L3MBTL1: variants seen among roughly 807,000 people sequenced by gnomAD.
L3MBTL1 encodes the protein L3MBTL histone methyl-lysine binding protein 1, also known as lethal(3)malignant brain tumor-like protein 1.
In L3MBTL1, 75 loss-of-function variants were observed where a neutral mutation model predicts 105.3. The observed-to-expected ratio is 0.71, with a 90% CI of 0.59 to 0.86. The LOEUF (loss-of-function observed/expected upper bound fraction) is 0.86, where lower values mean the gene tolerates loss of function less well. Ranked by LOEUF, L3MBTL1 falls within the 40% of genes least tolerant of loss-of-function variation. The pLI is 0.00. For synonymous variants in L3MBTL1, 452 were observed against 436.2 expected (o/e 1.04, Z -0.45); for missense variants, 1,069 against 1,126.4 (o/e 0.95, Z 0.73).
chr20:43,532,991 C>T, intron 12 of L3MBTL1, 67 bp downstream of exon 12: 3 of 1,527,586 alleles, frequency 2.0e-6, no homozygotes, highest in South Asian at 1.1e-5. Context: ...GCTTTCATAT[C>T]TCAGGTACCA....
At chr20:43,545,520 C>G (rs1978538120), downstream of L3MBTL1, among the ~76,000 whole-genome samples, 1 of 152,156 alleles carries the variant, frequency 6.6e-6, no homozygotes, top group South Asian at 2.1e-4. Flanking sequence ...TGGCATCCCC[C>G]TCACAGCTCC....
chr20:43,535,665 A>G (rs1055744412), intron 16 of L3MBTL1, among the ~76,000 whole-genome samples, 172 bp from the exon 17 acceptor site: 3 of 152,170 alleles, frequency 2.0e-5, no homozygotes, highest in African/African-American at 7.2e-5. Flanking sequence ...CTCCTTACCC[A>G]GAGAGGGGCA....
intron 8 of L3MBTL1, 106 bp from the exon 9 acceptor site, chr20:43,529,158 A>G: frequency 1.3e-6 from 1 of 756,800 alleles, no homozygotes; most frequent in East Asian, 2.7e-5. Flanking sequence ...GCCCCTTTGG[A>G]AATACCAGGC....
Position 43,534,332 on chromosome 20 carries a change from C to G in L3MBTL1, c.1648C>G (p.Arg550Gly), listed in dbSNP as rs773534117. 6 of 1,613,996 alleles carry G rather than the reference C, an allele frequency of 3.7e-6. No homozygotes were observed. The South Asian group carries it at 4.4e-5, about 12-fold the overall frequency. ...CAATATGAAGCTGGAGGCTGTGGACCGCAGGAACCCAGCCCTGATTCGCGT... is the reference window on the plus strand; with the variant it reads ...CAATATGAAGCTGGAGGCTGTGGACGGCAGGAACCCAGCCCTGATTCGCGT... ...LVNMKLEAVD[R>G]RNPALIRVAS... Residue 550 changes from arginine (R) to glycine (G), a missense_variant, in exon 15 of 22, where the codon CGC (arginine) becomes GGC (glycine). Transcript: ENST00000418998.
downstream of L3MBTL1, chr20:43,542,008 C>G (rs1797159383): frequency 1.3e-5 from 6 of 459,868 alleles, no homozygotes; most frequent in Non-Finnish European, 1.4e-5. Context: ...GTCAGGAGTT[C>G]AAGACCAGCC....
chr20:43,512,020 G>A (rs989252975), intron 1 of L3MBTL1, among the ~76,000 whole-genome samples: 8 of 152,016 alleles, frequency 5.3e-5, no homozygotes, highest in African/African-American at 1.9e-4. Flanking sequence ...GAGGCCAGAG[G>A]GAAAAGCAGA....
chr20:43,545,127 G>A (rs565318531), downstream of L3MBTL1, among the ~76,000 whole-genome samples: 42 of 152,104 alleles, frequency 2.8e-4, 1 homozygote, highest in South Asian at 1.2e-3. Flanking sequence ...GGCCAGGCAT[G>A]GTGGCGCACA....
At chr20:43,538,703 A>G (rs1411641753) in intron 19 of L3MBTL1, among the ~76,000 whole-genome samples, 1 of 152,198 alleles carries the variant, frequency 6.6e-6, no homozygotes, top group Non-Finnish European at 1.5e-5. Flanking sequence ...CTGCAGTTAG[A>G]TAAGACACTG....
At chr20:43,515,601 C>T in intron 6 of L3MBTL1, 186 bp downstream of exon 6, 1 of 693,228 alleles carries the variant, frequency 1.4e-6, no homozygotes, top group Non-Finnish European at 2.3e-6. Context: ...ATGAATTAAT[C>T]ACTCTCTTGA....
chr20:43,538,376 T>C (rs1458977898), intron 19 of L3MBTL1, among the ~76,000 whole-genome samples: 1 of 152,216 alleles, frequency 6.6e-6, no homozygotes, highest in Non-Finnish European at 1.5e-5. Flanking sequence ...AAAGAAGGGC[T>C]CACCCAGATC....
At chr20:43,521,599 C>A (rs2018706170) in intron 7 of L3MBTL1, among the ~76,000 whole-genome samples, 1 of 152,108 alleles carries the variant, frequency 6.6e-6, no homozygotes, top group Admixed American at 6.5e-5. Context: ...GGATTTTGAC[C>A]TTAGTAACTG....
Position 43,516,112 on chromosome 20 carries a change from A to C in L3MBTL1, c.797A>C (p.Lys266Thr). ...PEAMEKQEEGKDPEGQPTAST... is the reference protein window; with the variant it reads ...PEAMEKQEEGTDPEGQPTAST... ...CTACAGGAGAAGCAAGAAGAAGGAA[A>C]GGACCCAGAGGGACAACCCACTGCT... is the stretch of plus-strand genomic sequence containing the variant. Residue 266 changes from lysine (K) to threonine (T), a missense_variant, in exon 7 of 22, where the codon AAG becomes ACG. By Grantham distance (78) the Lys-to-Thr change is moderately conservative. Transcript: ENST00000418998. 1 of 1,614,008 alleles carries C rather than the reference A, an allele frequency of 6.2e-7. No individual in the cohort carries two copies. Among genetic ancestry groups the C allele is most frequent in the South Asian group, 1.1e-5 (1 of 91,080 alleles).
intron 13 of L3MBTL1, 35 bp downstream of exon 13, chr20:43,533,453 A>G (rs750850925): frequency 6.3e-7 from 1 of 1,582,912 alleles, no homozygotes; most frequent in Non-Finnish European, 8.6e-7. Context: ...CCCTTTCCTA[A>G]GCCTGGCTCT....
intron 18 of L3MBTL1, among the ~76,000 whole-genome samples, chr20:43,547,301 T>C (rs1028930460): frequency 5.3e-5 from 8 of 152,114 alleles, no homozygotes; most frequent in African/African-American, 1.9e-4. Context: ...AAGCGGGGTT[T>C]CACTGTGTTA....
At chr20:43,542,907 A>C (rs1320219297), downstream of L3MBTL1, among the ~76,000 whole-genome samples, 2 of 152,082 alleles carry the variant, frequency 1.3e-5, no homozygotes, top group Non-Finnish European at 2.9e-5. Flanking sequence ...GTATACCATA[A>C]TTTCTTGTTA....
At position 43,514,636 on chromosome 20, in the gene L3MBTL1, T is replaced by A; in HGVS notation, c.362T>A (p.Phe121Tyr). 6.3e-7 allele frequency: 1 copy of A among 1,598,922 alleles called. No individual in the cohort carries two copies. Among genetic ancestry groups the A allele is most frequent in the Non-Finnish European group, 8.5e-7 (1 of 1,172,766 alleles). ...AAPPPGGGLR[F>Y]RISEYKPLNM... ...TCCTCAGACCCTCCCGCGCTCCAGT[T>A]CCGGATAAGCGAGTATAAGCCGCTG... The change falls in exon 4 of 22, where the codon TTC becomes TAC. Residue 121 changes from phenylalanine to tyrosine, a missense_variant and splice_region_variant. Transcript: ENST00000418998.
At chr20:43,547,102 C>CTTTTTTTTTTTTTTTTTTTTTTT (rs11478523) in intron 18 of L3MBTL1, among the ~76,000 whole-genome samples, 1 of 122,646 alleles carries the variant, frequency 8.2e-6, no homozygotes, top group Non-Finnish European at 1.7e-5. Context: ...TTTTTAATGA[C>CTTTTTTTTTTTTTTTTTTTTTTT]TTTTTTTTTT....
intron 19 of L3MBTL1, chr20:43,539,278 G>A (rs1264457340): frequency 2.0e-5 from 3 of 152,718 alleles, no homozygotes; most frequent in Non-Finnish European, 4.4e-5. Flanking sequence ...CTGGACCATG[G>A]ACAGAGGCTG....
chr20:43,515,020 C>A lies in L3MBTL1; in HGVS notation c.514C>A (p.Gln172Lys). 1.2e-6 allele frequency: 2 copies of A among 1,613,912 alleles called. No individual in the cohort carries two copies. The highest frequency in any genetic ancestry group is 1.7e-6 in the Non-Finnish European group (2 of 1,179,848). Reference sequence around the variant, plus strand: ...TTTGGCCCCCGCAGAGGACCACCCCCAGAATCCTCCAGAAGATCCCAATCA... The same window carrying A: ...TTTGGCCCCCGCAGAGGACCACCCCAAGAATCCTCCAGAAGATCCCAATCA... ...AGPQQAEDHP[Q>K]NPPEDPNQDP... is the part of the protein sequence containing the mutation. The change falls in exon 5 of 22, where the codon CAG becomes AAG. Residue 172 changes from glutamine to lysine, a missense_variant. By Grantham distance (53) the Gln-to-Lys change is moderately conservative. Transcript: ENST00000418998.
Sources: allele counts gnomAD v4.1 joint callset (sites outside exome capture counted in the v4.1 genomes callset), GRCh38; gene constraint gnomAD v4.1.1; transcripts MANE v1.5; gene names NCBI Gene and HGNC (gene_info 2026-07-23, HGNC 2026-07-21).